ZBTB40: variants seen among roughly 807,000 people sequenced by gnomAD.
ZBTB40 encodes the protein zinc finger and BTB domain containing 40.
A neutral mutation model predicts 117.5 loss-of-function variants in ZBTB40; 60 were observed. The observed-to-expected ratio is 0.51, with a 90% CI of 0.41 to 0.63. The LOEUF (loss-of-function observed/expected upper bound fraction) is 0.63, where lower values mean the gene tolerates loss of function less well. Ranked by LOEUF, ZBTB40 falls within the 30% of genes least tolerant of loss-of-function variation. The pLI, the probability that ZBTB40 is intolerant of heterozygous loss-of-function variation, is 0.00. For missense variants in ZBTB40, 1,287 were observed against 1,498.5 expected, an observed-to-expected ratio of 0.86 and a Z score of 2.33; for synonymous variants, 525 against 577.1, an observed-to-expected ratio of 0.91 and a Z score of 1.29.
At chr1:22,470,675 T>C (rs1641380681) in intron 1 of ZBTB40, among the ~76,000 whole-genome samples, 1 of 152,150 alleles carries the variant, frequency 6.6e-6, no homozygotes, top group Middle Eastern at 3.2e-3. Context: ...CCAAAAGTTA[T>C]CTCAAAGACA....
intron 1 of ZBTB40, among the ~76,000 whole-genome samples, chr1:22,487,926 A>T (rs1557500564): frequency 1.3e-5 from 2 of 151,976 alleles, no homozygotes; most frequent in Non-Finnish European, 2.9e-5. Context: ...TCCCTGCTTT[A>T]TGTTCCAGTA....
intron 1 of ZBTB40, among the ~76,000 whole-genome samples, chr1:22,475,103 T>C (rs16827215): frequency 0.057 from 8,616 of 152,252 alleles, 772 homozygotes; most frequent in East Asian, 0.38. Context: ...CTCTTGGATA[T>C]TGAAATACAG....
chr1:22,448,731 TG>T (rs1056599840), upstream of ZBTB40, among the ~76,000 whole-genome samples: 9 of 152,200 alleles, frequency 5.9e-5, no homozygotes. Flanking sequence ...GGGCTTGGCA[TG>T]GTACCTGGAA....
At chr1:22,451,463 T>C (rs1473108432), upstream of ZBTB40, among the ~76,000 whole-genome samples, 1 of 151,870 alleles carries the variant, frequency 6.6e-6, no homozygotes, top group Non-Finnish European at 1.5e-5. Context: ...GGTGACATCC[T>C]GTCTCTACTA....
At chr1:22,444,525 G>T (rs1640767593) in intron 1 of ZBTB40, among the ~76,000 whole-genome samples, 1 of 152,242 alleles carries the variant, frequency 6.6e-6, no homozygotes, top group South Asian at 2.1e-4. Flanking sequence ...GATCTCAGGA[G>T]TTGGGCGAGT....
intron 3 of ZBTB40, among the ~76,000 whole-genome samples, chr1:22,496,479 G>A (rs868195738): frequency 1.3e-5 from 2 of 152,158 alleles, no homozygotes. Context: ...ACCCATTCAC[G>A]TACCGCAAGG....
chr1:22,520,550 C>T (rs565540575), intron 14 of ZBTB40, among the ~76,000 whole-genome samples: 5 of 152,338 alleles, frequency 3.3e-5, no homozygotes, highest in Admixed American at 2.6e-4. Context: ...TGCTTTTCCC[C>T]TTGGATGCTC....
At position 22,490,202 on chromosome 1, in the gene ZBTB40, T is replaced by G; in HGVS notation, c.254T>G (p.Val85Gly). Residue 85 changes from valine (V) to glycine (G), a missense_variant, in exon 2 of 18, where the codon GTG becomes GGG. By Grantham distance (109) the Val-to-Gly change is moderately radical. Around this residue, in one of 2 missense-constraint regions of ZBTB40, gnomAD observed 870 missense variants for 934.4 expected, o/e 0.93. Coordinates refer to ENST00000375647, the MANE Select transcript of ZBTB40 (RefSeq NM_014870.4). The part of the protein sequence containing the change: ...LEMMYTGKLP[V>G]GKHNFSKIIS... ...ATGATGTACACGGGCAAACTACCTG[T>G]GGGCAAGCACAACTTCTCCAAAATC... The G allele has an allele frequency of 1.9e-6, 3 of 1,614,186 alleles. No homozygotes were observed. Among genetic ancestry groups the G allele is most frequent in the Non-Finnish European group, 2.5e-6 (3 of 1,180,026 alleles).
At chr1:22,433,657 G>GTAGTCCTAGAACTAA (rs1640632206) in intron 1 of ZBTB40, among the ~76,000 whole-genome samples, 1 of 143,490 alleles carries the variant, frequency 7.0e-6, no homozygotes, top group Non-Finnish European at 1.5e-5. Context: ...GACTACCCCT[G>GTAGTCCTAGAACTAA]TAGTCCTAGA....
chr1:22,495,475 T>C (rs209753), intron 3 of ZBTB40, among the ~76,000 whole-genome samples: 47,102 of 151,956 alleles, frequency 0.31, 8,168 homozygotes, highest in East Asian at 0.46. Flanking sequence ...TCATACTTTT[T>C]TTCAGTTTTT....
At chr1:22,456,986 GGC>G (rs1456577881) in intron 1 of ZBTB40, among the ~76,000 whole-genome samples, 3 of 152,226 alleles carry the variant, frequency 2.0e-5, no homozygotes, top group Non-Finnish European at 2.9e-5. Flanking sequence ...AGGGAAAGAA[GGC>G]TGGGCACAGT....
chr1:22,433,431 T>TAAAAAAAAAAAAAAAA (rs1557469690), intron 1 of ZBTB40, among the ~76,000 whole-genome samples: 1 of 4,302 alleles, frequency 2.3e-4, no homozygotes. Context: ...AGACGCCCTC[T>TAAAAAAAAAAAAAAAA]CAAAAAAAAA....
At chr1:22,459,595 T>C (rs1641085403) in intron 1 of ZBTB40, among the ~76,000 whole-genome samples, 1 of 152,248 alleles carries the variant, frequency 6.6e-6, no homozygotes, top group South Asian at 2.1e-4. Context: ...AAAATCATCT[T>C]AATTTTAGAG....
intron 1 of ZBTB40, chr1:22,452,666 T>C (rs10737466): frequency 0.98 from 149,084 of 152,490 alleles, 72,976 homozygotes; most frequent in East Asian, 1. Flanking sequence ...CAGCAAAAGT[T>C]TACTGACCCC....
intron 17 of ZBTB40, 69 bp from the exon 18 acceptor site, chr1:22,526,133 A>G: frequency 6.4e-7 from 1 of 1,558,530 alleles, no homozygotes; most frequent in South Asian, 1.1e-5. Flanking sequence ...GCATGAGATG[A>G]AAACCATGTA....
intron 1 of ZBTB40, among the ~76,000 whole-genome samples, chr1:22,436,731 G>C (rs776235847): frequency 2.6e-5 from 4 of 151,920 alleles, no homozygotes; most frequent in Non-Finnish European, 4.4e-5. Flanking sequence ...AGAGAAGCCA[G>C]GCACAAAACA....
At chr1:22,480,482 A>C (rs1371317995) in intron 1 of ZBTB40, among the ~76,000 whole-genome samples, 1 of 151,840 alleles carries the variant, frequency 6.6e-6, no homozygotes, top group Non-Finnish European at 1.5e-5. Context: ...TGTAATTATG[A>C]GCTTCTTTTC....
chr1:22,475,777 T>G (rs1333274531), intron 1 of ZBTB40, among the ~76,000 whole-genome samples: 2 of 152,272 alleles, frequency 1.3e-5, no homozygotes, highest in Non-Finnish European at 2.9e-5. Context: ...CTTGTTTTAC[T>G]TACCTTTCCT....
At position 22,465,840 on chromosome 1, in the gene ZBTB40, G is replaced by A. The variant is rs189336687; in HGVS notation, c.-70+13836G>A. On this transcript the variant is annotated intron_variant, in intron 1 of 17. Coordinates refer to ENST00000375647, the MANE Select transcript of ZBTB40 (RefSeq NM_014870.4). Reference sequence around the variant, plus strand: ...GAACACAAGGAGGCTCATATCTGCAGCCACAACTTGGGTGGTGCCCCTGCC... The same window carrying A: ...GAACACAAGGAGGCTCATATCTGCAACCACAACTTGGGTGGTGCCCCTGCC... Among the ~76,000 whole-genome samples, 3 of 152,272 alleles carry A rather than the reference G, an allele frequency of 2.0e-5. No homozygotes were observed. In the East Asian group the frequency reaches 5.8e-4, roughly 29 times the overall value.
Sources: gnomAD v4.1 joint callset for allele counts (sites outside exome capture counted in the v4.1 genomes callset) on GRCh38, gnomAD v4.1.1 for gene constraint, gnomAD v4.1.1 regional missense constraint, MANE v1.5 for transcripts, NCBI Gene and HGNC (gene_info 2026-07-23, HGNC 2026-07-21) for gene names.